The following TNK2 variants were observed in gnomAD, a reference collection of about 807,000 sequenced individuals.
TNK2 encodes activated CDC42 kinase 1.
In TNK2, 83 loss-of-function variants were observed where a neutral mutation model predicts 101.8. The observed-to-expected ratio is 0.82, with a 90% CI of 0.68 to 0.98. The LOEUF (loss-of-function observed/expected upper bound fraction) is 0.98. Ranked by LOEUF, TNK2 falls within the 50% of genes least tolerant of loss-of-function variation. TNK2 has a pLI of 0.00. For synonymous variants in TNK2, 804 were observed against 633.0 expected (o/e 1.27, Z -4.06); for missense variants, 1,665 against 1,483.2 (o/e 1.12, Z -2.01).
Position 195,885,130 on chromosome 3 carries a change from G to T in TNK2, c.235-97C>A. 7.6e-7 allele frequency: 1 copy of T among 1,308,794 alleles called. No individual in the cohort carries two copies. The highest frequency in any genetic ancestry group is 1.0e-6 in the Non-Finnish European group (1 of 964,238). 81.1% of individuals were successfully genotyped at this position (1,308,794 alleles called of 1,614,324 possible). On this transcript the variant is annotated intron_variant, in intron 3 of 15. Coordinates refer to ENST00000672887, the MANE Select transcript of TNK2 (RefSeq NM_001382273.1). The surrounding 1 kb of genome is among the most constrained non-coding windows in gnomAD (Gnocchi z 4.7). ...GGTCCACCTGGTGATCCCCGGCTTC[G>T]GCTTCCAGATAGGTCCTGGTTTTGC...
rs140707536 is a variant in TNK2 at position 195,866,892 on chromosome 3, T to C, written c.3158A>G (p.His1053Arg). Reference protein sequence around the residue: ...HLLGSWGPAHHKR With the variant: ...HLLGSWGPAHRKR ...GCAGACTGTGGGGCTCACTCACTTG[T>C]GGTGGGCAGGGCCCCAGGAGCCCAG... The change falls in exon 15 of 16, where the codon CAC becomes CGC. Residue 1053 changes from histidine to arginine, a missense_variant. Coordinates refer to ENST00000672887, the MANE Select transcript of TNK2 (RefSeq NM_001382273.1). The C allele has an allele frequency of 1.9e-6, 3 of 1,610,280 alleles. No homozygotes were observed. The highest frequency in any genetic ancestry group is 1.3e-5 in the African/African-American group (1 of 74,866).
chr3:195,885,094 C>A lies in TNK2; in HGVS notation c.235-61G>T. On this transcript the variant is annotated intron_variant, in intron 3 of 15. Coordinates refer to ENST00000672887, the MANE Select transcript of TNK2 (RefSeq NM_001382273.1). The surrounding 1 kb of genome is among the most constrained non-coding windows in gnomAD (Gnocchi z 4.7). ...ACACCCCAGGGTCAGTCACTCAGTC[C>A]CACCCCGCTGGGTCCACCTGGTGAT... 1 of 1,475,762 alleles carries A rather than the reference C, an allele frequency of 6.8e-7. No homozygotes were observed. Among genetic ancestry groups the A allele is most frequent in the African/African-American group, 1.4e-5 (1 of 71,088 alleles). 91.4% of individuals were successfully genotyped at this position (1,475,762 alleles called of 1,614,324 possible). A position where few individuals can be genotyped will look rare whatever the true frequency, so the allele number is the denominator to read the frequency against.
intron 6 of TNK2, among the ~76,000 whole-genome samples, chr3:195,881,438 C>A (rs1386033669): frequency 8.9e-6 from 1 of 112,968 alleles, no homozygotes; most frequent in Non-Finnish European, 1.8e-5. Context: ...AACACCCGCC[C>A]CCAGCGATGC....
chr3:195,886,780 G>A lies in TNK2; in HGVS notation c.234+197C>T, dbSNP rs966513334. ...GGCTGCTCACGTGTCCGTATCTGGC[G>A]GAGACAGACACTTAGCCCAGCAGCT... is the stretch of plus-strand genomic sequence containing the variant. On this transcript the variant is annotated intron_variant, in intron 3 of 15. Coordinates refer to ENST00000672887, the MANE Select transcript of TNK2 (RefSeq NM_001382273.1). This position sits in a 1 kb window ranked among gnomAD's most constrained non-coding sequence, Gnocchi z 4.2. Among the ~76,000 whole-genome samples, 7 of 152,162 alleles carry A rather than the reference G, an allele frequency of 4.6e-5. No homozygotes were observed. The highest frequency in any genetic ancestry group is 6.5e-5 in the Admixed American group (1 of 15,280).
chr3:195,902,685 A>C (rs112789638), intron 1 of TNK2, among the ~76,000 whole-genome samples: 2,998 of 151,498 alleles, frequency 0.02, 59 homozygotes, highest in Non-Finnish European at 0.03. Flanking sequence ...AGTAGGAATA[A>C]AAGAGAGCTT....
chr3:195,899,019 C>A (rs1245102377), intron 1 of TNK2, among the ~76,000 whole-genome samples: 5 of 151,960 alleles, frequency 3.3e-5, no homozygotes, highest in African/African-American at 1.2e-4. Flanking sequence ...TGGCGTGAAC[C>A]CGGGAGGCGG....
chr3:195,875,896 C>G (rs932227570), intron 9 of TNK2, among the ~76,000 whole-genome samples: 1 of 152,198 alleles, frequency 6.6e-6, no homozygotes, highest in Admixed American at 6.5e-5. Flanking sequence ...GCTGCCCCAG[C>G]TCTGGAAATC....
At chr3:195,892,132 G>A in intron 1 of TNK2, 1 of 582,202 alleles carries the variant, frequency 1.7e-6, no homozygotes, top group Non-Finnish European at 2.6e-6. Flanking sequence ...CTCCTCCAGA[G>A]TTCAAACACT....
rs775472108 is a variant in TNK2, at chr3:195,867,158, G to T, written c.3033+11C>A. 7.4e-6 allele frequency: 12 copies of T among 1,612,442 alleles called. No individual in the cohort carries two copies. In the Middle Eastern group the frequency reaches 1.6e-3, roughly 210 times the overall value. On this transcript the variant is annotated intron_variant, in intron 14 of 15. Coordinates refer to ENST00000672887, the MANE Select transcript of TNK2 (RefSeq NM_001382273.1). ...TCCCTGAGAGCCAGAGTGAGCAGGAGGTGGCGGTACCTTCAGATACTGGGC... is the reference window on the plus strand; with the variant it reads ...TCCCTGAGAGCCAGAGTGAGCAGGATGTGGCGGTACCTTCAGATACTGGGC...
intron 9 of TNK2, among the ~76,000 whole-genome samples, chr3:195,874,112 G>A (rs2149367759): frequency 6.6e-6 from 1 of 152,336 alleles, no homozygotes; most frequent in East Asian, 1.9e-4. Flanking sequence ...CGGCTCTCCC[G>A]CTACACCCAC....
intron 1 of TNK2, among the ~76,000 whole-genome samples, chr3:195,903,983 C>T (rs1054137542): frequency 2.0e-5 from 3 of 152,154 alleles, no homozygotes; most frequent in South Asian, 2.1e-4. Context: ...GTTTAAACAA[C>T]GGTACCATCT....
intron 1 of TNK2, among the ~76,000 whole-genome samples, chr3:195,893,364 C>A (rs1759373877): frequency 6.6e-6 from 1 of 151,940 alleles, no homozygotes; most frequent in Non-Finnish European, 1.5e-5. Flanking sequence ...TGGGGTGGCC[C>A]TGTCTGCTGC....
Position 195,888,369 on chromosome 3 carries a change from A to G in TNK2, c.163+57T>C. On this transcript the variant is annotated intron_variant, in intron 2 of 15. Coordinates refer to ENST00000672887, the MANE Select transcript of TNK2 (RefSeq NM_001382273.1). The surrounding 1 kb of genome is among the most constrained non-coding windows in gnomAD (Gnocchi z 5.3). ...GCCACCCGTGCACCGAGTGGTCCTG[A>G]GGACAGAGGACGGAAAGGGTCAGGG... The G allele has an allele frequency of 6.3e-7, 1 of 1,576,518 alleles. No homozygotes were observed. Among genetic ancestry groups the G allele is most frequent in the Non-Finnish European group, 8.7e-7 (1 of 1,154,992 alleles).
chr3:195,868,041 G>C lies in TNK2; in HGVS notation c.2257C>G (p.Gln753Glu). 1.3e-6 allele frequency: 2 copies of C among 1,595,508 alleles called. No homozygotes were observed. The highest frequency in any genetic ancestry group is 1.7e-6 in the Non-Finnish European group (2 of 1,174,632). The stretch of plus-strand genomic sequence containing the variant: ...GGGATGGGTACCCGAGGAGGCACCT[G>C]GGGCTTGTCGTCACCCCCCGGGCTG... ...SPSPGGDDKP[Q>E]VPPRVPIPPR... is the part of the protein sequence containing the mutation. Residue 753 changes from glutamine (Q) to glutamate (E), a missense_variant, in exon 13 of 16, where the codon CAG (glutamine) becomes GAG (glutamate). Around this residue, in one of 3 missense-constraint regions of TNK2, gnomAD observed 1,136 missense variants for 894.9 expected, o/e 1.27. Coordinates refer to ENST00000672887, the MANE Select transcript of TNK2 (RefSeq NM_001382273.1).
At chr3:195,897,088 C>A (rs1296843543) in intron 1 of TNK2, among the ~76,000 whole-genome samples, 1 of 152,188 alleles carries the variant, frequency 6.6e-6, no homozygotes, top group Non-Finnish European at 1.5e-5. Context: ...GAGAGGGGGG[C>A]TTACAGCTCC....
chr3:195,887,755 G>A lies in TNK2; in HGVS notation c.163+671C>T, dbSNP rs557138339. Among the ~76,000 whole-genome samples the A allele has an allele frequency of 1.3e-4, 19 of 148,042 alleles. No homozygotes were observed. In the South Asian group the frequency reaches 3.6e-3, roughly 28 times the overall value. ...TGTATGTGCGTGTGTGTGCACACGCGTGTGCGCACGTGTGTGCGTCTGCGC... is the reference window on the plus strand; with the variant it reads ...TGTATGTGCGTGTGTGTGCACACGCATGTGCGCACGTGTGTGCGTCTGCGC... On this transcript the variant is annotated intron_variant, in intron 2 of 15. Coordinates refer to ENST00000672887, the MANE Select transcript of TNK2 (RefSeq NM_001382273.1).
chr3:195,882,271 GGCCCTGGTGCTTACGTA>G lies in TNK2; in HGVS notation c.650_666del (p.Leu217ProfsTer16). The G allele has an allele frequency of 6.2e-7, 1 of 1,613,626 alleles. No individual in the cohort carries two copies. Among genetic ancestry groups the G allele is most frequent in the East Asian group, 2.2e-5 (1 of 44,878 alleles). On this transcript the variant is annotated frameshift_variant, in exon 6 of 16. Coordinates refer to ENST00000672887, the MANE Select transcript of TNK2 (RefSeq NM_001382273.1). LOFTEE classifies it high-confidence loss of function. This position sits in a 1 kb window ranked among gnomAD's most constrained non-coding sequence, Gnocchi z 4.2. ...CGGCTCAGAGTCCCCAGGAGGAAGT[GGCCCTGGTGCTTACGTA>G]GCCGGTCCAACAACGATCCCAGAGG...
intron 1 of TNK2, chr3:195,907,995 C>G (rs199917038): frequency 6.6e-6 from 1 of 152,448 alleles, no homozygotes; most frequent in Middle Eastern, 3.4e-3. Flanking sequence ...GTGCCGTACC[C>G]AAGCCACTAG....
At position 195,868,114 on chromosome 3, in the gene TNK2, C is replaced by T. The variant is rs181582565; in HGVS notation, c.2184G>A (p.Glu728=). 130 of 1,611,542 alleles carry T rather than the reference C, an allele frequency of 8.1e-5. 1 individual carries two copies. Among genetic ancestry groups the T allele is most frequent in the Admixed American group, 2.5e-4 (15 of 59,900 alleles). The change falls in exon 13 of 16, where the codon GAG becomes GAA. Residue 728 remains glutamate, a synonymous_variant. Transcript: ENST00000672887. The stretch of plus-strand genomic sequence containing the variant: ...CCGGAGCCTGCAGTTGCCTCATGCA[C>T]TCCTGCTGTAGCGCCTGGAAGATCT... ...TAEIFQALQQ[E]CMRQLQAPAG... is the part of the protein sequence containing the mutation.
Sources: allele counts gnomAD v4.1 joint callset (sites outside exome capture counted in the v4.1 genomes callset), GRCh38; gene constraint gnomAD v4.1.1; regional missense constraint gnomAD v4.1.1; non-coding constraint Gnocchi (gnomAD v3.1); transcripts MANE v1.5; gene names NCBI Gene and HGNC (gene_info 2026-07-23, HGNC 2026-07-21).